The following SAMD12 variants were observed in gnomAD, a reference collection of about 807,000 sequenced individuals.
The protein encoded by SAMD12 is sterile alpha motif domain-containing protein 12.
A neutral mutation model predicts 15.0 loss-of-function variants in SAMD12; 9 were observed. The ratio of observed to expected loss-of-function variants is 0.60; its 90% CI spans 0.36 to 1.05. The LOEUF is 1.05. Ranked by LOEUF, SAMD12 falls within the 50% of genes least tolerant of loss-of-function variation. The pLI is 0.01. For synonymous variants in SAMD12, 86 were observed against 90.1 expected (o/e 0.96, Z 0.25); for missense variants, 230 against 234.2 (o/e 0.98, Z 0.12).
chr8:118,355,733 G>T (rs1818198132), intron 4 of SAMD12, among the ~76,000 whole-genome samples: 1 of 152,086 alleles, frequency 6.6e-6, no homozygotes, highest in Admixed American at 6.5e-5. Flanking sequence ...TATTCAGTCT[G>T]ATCAAAGGAA....
intron 3 of SAMD12, among the ~76,000 whole-genome samples, chr8:118,417,436 T>C (rs1586694102): frequency 6.6e-6 from 1 of 152,284 alleles, no homozygotes; most frequent in South Asian, 2.1e-4. Flanking sequence ...CTTCTTTGTG[T>C]TTCCATTCTA....
chr8:118,343,742 A>T (rs972967505), intron 4 of SAMD12, among the ~76,000 whole-genome samples: 1 of 152,074 alleles, frequency 6.6e-6, no homozygotes, highest in Non-Finnish European at 1.5e-5. Flanking sequence ...TGGGCCAAGG[A>T]GTGTATTGTG....
At chr8:118,304,548 A>C (rs1011553056) in intron 4 of SAMD12, among the ~76,000 whole-genome samples, 9 of 152,032 alleles carry the variant, frequency 5.9e-5, no homozygotes, top group Non-Finnish European at 1.3e-4. Context: ...TCATGAGGTC[A>C]GGAGATCGAG....
the SAMD12 span, among the ~76,000 whole-genome samples, chr8:118,149,891 T>C: frequency 2.0e-5 from 3 of 152,120 alleles, no homozygotes; most frequent in Admixed American, 1.3e-4. Context: ...ACCATATACA[T>C]ACGGGTCTAT....
intron 4 of SAMD12, among the ~76,000 whole-genome samples, chr8:118,339,091 T>G (rs748396859): frequency 1.4e-4 from 22 of 152,102 alleles, no homozygotes; most frequent in Non-Finnish European, 2.8e-4. Flanking sequence ...TTTGGGAGGC[T>G]GAGGTGTGAG....
At chr8:118,277,333 T>C (rs1813498462) in intron 4 of SAMD12, among the ~76,000 whole-genome samples, 1 of 152,212 alleles carries the variant, frequency 6.6e-6, no homozygotes, top group Admixed American at 6.5e-5. Context: ...CCTTCCTGAC[T>C]TGACTGTTCT....
intron 3 of SAMD12, among the ~76,000 whole-genome samples, chr8:118,413,885 T>C (rs930956061): frequency 1.4e-4 from 19 of 134,500 alleles, no homozygotes; most frequent in Non-Finnish European, 4.6e-5. Flanking sequence ...TGAAAGATAA[T>C]AGAACCCATT....
intron 3 of SAMD12, among the ~76,000 whole-genome samples, chr8:118,395,687 G>A (rs12546245): frequency 0.42 from 64,455 of 151,920 alleles, 14,017 homozygotes; most frequent in Non-Finnish European, 0.48. Flanking sequence ...ACTCAGAAGC[G>A]GTGGCTCATG....
intron 2 of SAMD12, among the ~76,000 whole-genome samples, chr8:118,473,806 T>G (rs1823879420): frequency 6.6e-6 from 1 of 152,098 alleles, no homozygotes; most frequent in African/African-American, 2.4e-5. Flanking sequence ...CATGGCACAC[T>G]CTCTAGAATT....
chr8:118,409,891 G>C (rs996203173), intron 3 of SAMD12, among the ~76,000 whole-genome samples: 2 of 66,174 alleles, frequency 3.0e-5, no homozygotes, highest in African/African-American at 1.4e-4. Flanking sequence ...CACTCTTTAA[G>C]AAGATGGCCT....
At chr8:118,267,041 T>G (rs1412235529) in intron 4 of SAMD12, among the ~76,000 whole-genome samples, 1 of 152,152 alleles carries the variant, frequency 6.6e-6, no homozygotes, top group Non-Finnish European at 1.5e-5. Flanking sequence ...TTGGCTTGAC[T>G]TAGCCATTCT....
At chr8:118,447,293 G>A (rs74339731) in intron 2 of SAMD12, among the ~76,000 whole-genome samples, 3,594 of 150,926 alleles carry the variant, frequency 0.024, 128 homozygotes, top group African/African-American at 0.083. Context: ...CTTCCCCTCA[G>A]TTGAAATCTT....
chr8:118,303,055 T>C (rs559130831), intron 4 of SAMD12, among the ~76,000 whole-genome samples: 2 of 152,326 alleles, frequency 1.3e-5, no homozygotes, highest in African/African-American at 4.8e-5. Context: ...TGAAGACTCA[T>C]CCATCATCAA....
At chr8:118,163,812 T>C in the SAMD12 span, among the ~76,000 whole-genome samples, 3 of 151,962 alleles carry the variant, frequency 2.0e-5, no homozygotes, top group Admixed American at 6.6e-5. Flanking sequence ...GAGGCAGAGC[T>C]TGCAGTGAGC....
intron 4 of SAMD12, chr8:118,197,760 G>C (rs531500953): frequency 6.2e-7 from 1 of 1,607,298 alleles, no homozygotes; most frequent in South Asian, 1.1e-5. Flanking sequence ...GGGAAATATG[G>C]TAAGTTCTTT....
chr8:118,135,824 C>T, the SAMD12 span, among the ~76,000 whole-genome samples: 1 of 152,144 alleles, frequency 6.6e-6, no homozygotes, highest in Non-Finnish European at 1.5e-5. Context: ...GCTGAGATTA[C>T]AGGCGTGAGC....
chr8:118,446,709 G>A (rs1362478422), intron 2 of SAMD12, among the ~76,000 whole-genome samples: 1 of 152,090 alleles, frequency 6.6e-6, no homozygotes, highest in Non-Finnish European at 1.5e-5. Flanking sequence ...TCTTTTTACT[G>A]ATTCTTGAGT....
chr8:118,238,583 G>C (rs1812487431), intron 4 of SAMD12, among the ~76,000 whole-genome samples: 1 of 152,064 alleles, frequency 6.6e-6, no homozygotes, highest in South Asian at 2.1e-4. Context: ...GTTGGAATGA[G>C]TAGTGAAGCT....
intron 2 of SAMD12, among the ~76,000 whole-genome samples, chr8:118,517,554 T>C (rs1303529924): frequency 6.6e-6 from 1 of 152,176 alleles, no homozygotes. Context: ...TCCCAGATAA[T>C]GTATCATCCA....
Sources: allele counts gnomAD v4.1 joint callset (sites outside exome capture counted in the v4.1 genomes callset), GRCh38; gene constraint gnomAD v4.1.1; transcripts MANE v1.5; gene names NCBI Gene and HGNC (gene_info 2026-07-23, HGNC 2026-07-21).